The following PRKAR1B variants were observed in gnomAD, a reference collection of about 807,000 sequenced individuals.
PRKAR1B encodes the protein protein kinase cAMP-dependent type I regulatory subunit beta.
In PRKAR1B, 22 loss-of-function variants were observed where a neutral mutation model predicts 46.5. That is an observed-to-expected ratio of 0.47 (90% CI 0.34 to 0.68). The LOEUF (loss-of-function observed/expected upper bound fraction) is 0.68. Among genes scored for constraint, PRKAR1B ranks in the 30% least tolerant of loss-of-function variants. The pLI is 0.01. For missense variants in PRKAR1B, 445 were observed against 535.6 expected, an observed-to-expected ratio of 0.83 and a Z score of 1.67; for synonymous variants, 259 against 217.7, an observed-to-expected ratio of 1.19 and a Z score of -1.67.
intron 9 of PRKAR1B, among the ~76,000 whole-genome samples, chr7:572,199 C>T (rs1223042132): frequency 2.6e-5 from 4 of 152,214 alleles, no homozygotes; most frequent in Admixed American, 2.6e-4. Flanking sequence ...CGGTGGGTAC[C>T]ATAGCTCTCC....
intron 6 of PRKAR1B, among the ~76,000 whole-genome samples, chr7:605,557 TACATAC>T (rs1781980439): frequency 6.6e-6 from 1 of 152,188 alleles, no homozygotes; most frequent in African/African-American, 2.4e-5. Context: ...ATCTATTTTA[TACATAC>T]ACATACACAT....
chr7:569,148 G>A (rs1779348920), intron 9 of PRKAR1B, among the ~76,000 whole-genome samples: 1 of 151,966 alleles, frequency 6.6e-6, no homozygotes, highest in Non-Finnish European at 1.5e-5. Context: ...ATCCTTTGCT[G>A]AAGACGCCTC....
At chr7:701,103 T>C (rs1780034093) in intron 2 of PRKAR1B, among the ~76,000 whole-genome samples, 1 of 151,076 alleles carries the variant, frequency 6.6e-6, no homozygotes, top group African/African-American at 2.4e-5. Flanking sequence ...CAGGAGAATC[T>C]CCTGAACCCA....
chr7:575,787 C>CATTCACTA (rs1158301271), intron 9 of PRKAR1B, among the ~76,000 whole-genome samples: 1 of 152,190 alleles, frequency 6.6e-6, no homozygotes, highest in Non-Finnish European at 1.5e-5. Flanking sequence ...GTTGCCCAGG[C>CATTCACTA]TGGTCTTGAA....
At chr7:638,885 T>G (rs891433607) in intron 4 of PRKAR1B, among the ~76,000 whole-genome samples, 1 of 148,796 alleles carries the variant, frequency 6.7e-6, no homozygotes, top group Admixed American at 6.6e-5. Flanking sequence ...GAGACCATCC[T>G]GGCCAACATG....
chr7:708,172 G>A (rs1298649845), intron 2 of PRKAR1B, among the ~76,000 whole-genome samples: 1 of 150,848 alleles, frequency 6.6e-6, no homozygotes, highest in East Asian at 2.0e-4. Context: ...TCTCCCACAC[G>A]GACCCAGAAG....
At chr7:704,758 G>A (rs1780231534) in intron 2 of PRKAR1B, among the ~76,000 whole-genome samples, 1 of 152,182 alleles carries the variant, frequency 6.6e-6, no homozygotes, top group African/African-American at 2.4e-5. Flanking sequence ...AACAAAGCAA[G>A]ACTCTGTCTC....
At chr7:662,569 G>C (rs1245460175) in intron 4 of PRKAR1B, among the ~76,000 whole-genome samples, 161 of 39,230 alleles carry the variant, frequency 4.1e-3, no homozygotes, top group East Asian at 6.1e-3. Context: ...CCCAACAGAT[G>C]CAATTACCTA....
intron 2 of PRKAR1B, among the ~76,000 whole-genome samples, chr7:689,102 G>A (rs1779266752): frequency 6.7e-6 from 1 of 149,470 alleles, no homozygotes; most frequent in Non-Finnish European, 1.5e-5. Flanking sequence ...CACTGGAACA[G>A]AACTAAAAAG....
intron 4 of PRKAR1B, among the ~76,000 whole-genome samples, chr7:627,182 G>T (rs1783451662): frequency 6.6e-6 from 1 of 151,992 alleles, no homozygotes; most frequent in Admixed American, 6.6e-5. Context: ...TAGAGATGGG[G>T]TCTCGTCGCA....
At chr7:572,102 C>T (rs1390990016) in intron 9 of PRKAR1B, among the ~76,000 whole-genome samples, 1 of 152,222 alleles carries the variant, frequency 6.6e-6, no homozygotes, top group Non-Finnish European at 1.5e-5. Context: ...GCTCCCCTCA[C>T]CCCGAGGCTG....
At chr7:724,509 C>G (rs1188755666) in intron 1 of PRKAR1B, among the ~76,000 whole-genome samples, 2 of 152,250 alleles carry the variant, frequency 1.3e-5, no homozygotes, top group African/African-American at 4.8e-5. Context: ...ATTGTGAGGC[C>G]TCCCCAGCCA....
intron 7 of PRKAR1B, among the ~76,000 whole-genome samples, chr7:589,806 A>G (rs1414119991): frequency 6.6e-6 from 1 of 152,374 alleles, no homozygotes; most frequent in East Asian, 1.9e-4. Flanking sequence ...CCACGTCATC[A>G]TGCTGCACCC....
chr7:549,747 C>G lies in PRKAR1B; in HGVS notation c.*683G>C, dbSNP rs1173498035. The G allele has an allele frequency of 6.6e-6, 1 of 152,354 alleles. No individual in the cohort carries two copies. The highest frequency in any genetic ancestry group is 1.5e-5 in the Non-Finnish European group (1 of 68,190). The allele number at this position is 152,354 out of a possible 1,614,324, so 9.4% of individuals were successfully genotyped here. A position where few individuals can be genotyped will look rare whatever the true frequency, so the allele number is the denominator to read the frequency against. ...CCCCCTACTGGGGTCTACCTGCGGC[C>G]GCGGCCCTGGCTCCCAAGGCAGGAG... On this transcript the variant is annotated 3_prime_UTR_variant, in exon 11 of 11. Transcript: ENST00000537384.
chr7:638,037 G>A (rs959630550), intron 4 of PRKAR1B, among the ~76,000 whole-genome samples: 19 of 152,174 alleles, frequency 1.2e-4, no homozygotes, highest in African/African-American at 3.6e-4. Flanking sequence ...CCCCGCCGGC[G>A]GAGAAGACGC....
intron 7 of PRKAR1B, among the ~76,000 whole-genome samples, chr7:595,317 G>A (rs182169276): frequency 6.2e-4 from 94 of 152,066 alleles, no homozygotes; most frequent in East Asian, 3.9e-3. Flanking sequence ...GCCCCTCCAC[G>A]GAACAGCAGT....
chr7:567,628 A>C (rs1779259761), intron 9 of PRKAR1B, among the ~76,000 whole-genome samples: 1 of 152,212 alleles, frequency 6.6e-6, no homozygotes, highest in Admixed American at 6.5e-5. Flanking sequence ...AGCAAAATAA[A>C]AAACAGGCTT....
In PRKAR1B at chr7:674,596, C is replaced by G. The variant is rs139434754; in HGVS notation, c.440+2633G>C. Among the ~76,000 whole-genome samples the G allele has an allele frequency of 4.4e-3, 670 of 151,966 alleles. 8 individuals are homozygous for G. Among genetic ancestry groups the G allele is most frequent in the African/African-American group, 0.015 (630 of 41,436 alleles). On this transcript the variant is annotated intron_variant, in intron 4 of 10. Coordinates refer to ENST00000537384, the MANE Select transcript of PRKAR1B (RefSeq NM_001164760.2). ...CCACATCTAGCTACTCCATCCATGC[C>G]TAGCTACTCTAGCCACACCCAGCTA...
chr7:647,805 CAAAAAAAAAA>C (rs769761277), intron 4 of PRKAR1B, among the ~76,000 whole-genome samples: 1 of 17,882 alleles, frequency 5.6e-5, no homozygotes, highest in Admixed American at 5.4e-4. Context: ...ACTTCGTCTC[CAAAAAAAAAA>C]AAAAAAAAAA....
Sources: gnomAD v4.1 joint callset for allele counts (sites outside exome capture counted in the v4.1 genomes callset) on GRCh38, gnomAD v4.1.1 for gene constraint, MANE v1.5 for transcripts, NCBI Gene and HGNC (gene_info 2026-07-23, HGNC 2026-07-21) for gene names.